Variants in IMMP1L observed in about 807,000 individuals in gnomAD.
IMMP1L encodes the protein mitochondrial inner membrane protease subunit 1.
IMMP1L carries 24 observed loss-of-function variants against 21.8 expected under a neutral mutation model. The observed-to-expected ratio is 1.10, with a 90% CI of 0.80 to 1.55. The LOEUF is 1.55. Among genes scored for constraint, IMMP1L ranks in the 40% most tolerant of loss-of-function variants. The probability of loss-of-function intolerance (pLI) is 0.00; values close to 1 mark genes in which losing one functional copy is unlikely to be tolerated. For missense variants in IMMP1L, 195 were observed against 200.7 expected, an observed-to-expected ratio of 0.97 and a Z score of 0.17; for synonymous variants, 46 against 62.8, an observed-to-expected ratio of 0.73 and a Z score of 1.26.
At chr11:31,466,033 A>T (rs1361653524) in intron 1 of IMMP1L, among the ~76,000 whole-genome samples, 1 of 152,140 alleles carries the variant, frequency 6.6e-6, no homozygotes, top group Non-Finnish European at 1.5e-5. Flanking sequence ...ACATGGACTA[A>T]TATCTAGAAT....
chr11:31,500,294 C>T (rs1216326347), intron 1 of IMMP1L, among the ~76,000 whole-genome samples: 1 of 151,718 alleles, frequency 6.6e-6, no homozygotes. Context: ...AAGGAAAACA[C>T]GAGCATGAGA....
chr11:31,449,453 T>C (rs1953664805), intron 4 of IMMP1L, among the ~76,000 whole-genome samples: 1 of 152,216 alleles, frequency 6.6e-6, no homozygotes. Context: ...GTAAGATTGT[T>C]TCTTAGGTTG....
At chr11:31,504,024 T>C (rs551675347) in intron 1 of IMMP1L, among the ~76,000 whole-genome samples, 1 of 152,116 alleles carries the variant, frequency 6.6e-6, no homozygotes, top group Non-Finnish European at 1.5e-5. Flanking sequence ...AGGATACCAA[T>C]ACAGGAAAAA....
At chr11:31,452,683 A>G in intron 4 of IMMP1L, 1 of 1,000,758 alleles carries the variant, frequency 1.0e-6, no homozygotes, top group African/African-American at 1.7e-5. Context: ...CTCAGTTCAT[A>G]CATAACCCCA....
At chr11:31,490,221 C>G (rs910606483) in intron 1 of IMMP1L, among the ~76,000 whole-genome samples, 1 of 152,166 alleles carries the variant, frequency 6.6e-6, no homozygotes, top group Non-Finnish European at 1.5e-5. Flanking sequence ...TGCCTGTAAT[C>G]CCAGCACTTT....
chr11:31,473,881 G>A (rs1425924901), intron 1 of IMMP1L: 2 of 260,700 alleles, frequency 7.7e-6, no homozygotes, highest in Non-Finnish European at 1.2e-5. Flanking sequence ...GTATATATAT[G>A]TCAAATGTTA....
rs1955383757 is a variant in IMMP1L at position 31,494,929 on chromosome 11, C to T, written c.-30+14590G>A. 2.0e-5 allele frequency among the ~76,000 whole-genome samples: 3 copies of T among 152,218 alleles called. No individual in the cohort carries two copies. In the South Asian group the frequency reaches 6.2e-4, roughly 31 times the overall value. ...AAAGTGCTGGGATTACAGGCGTGAG[C>T]CACCGCGACCAGCCCAAATTTTCCA... On this transcript the variant is annotated intron_variant, in intron 1 of 5. Coordinates refer to ENST00000532287, the MANE Select transcript of IMMP1L (RefSeq NM_001304274.2).
At chr11:31,494,389 TG>T (rs1474422381) in intron 1 of IMMP1L, among the ~76,000 whole-genome samples, 2 of 152,172 alleles carry the variant, frequency 1.3e-5, no homozygotes, top group Non-Finnish European at 2.9e-5. Context: ...CTGACACAGC[TG>T]GGATGCAGGA....
intron 4 of IMMP1L, among the ~76,000 whole-genome samples, chr11:31,448,752 T>G (rs1426309910): frequency 6.6e-6 from 1 of 152,220 alleles, no homozygotes; most frequent in Non-Finnish European, 1.5e-5. Flanking sequence ...ATAAACTCCA[T>G]ATTACTGTTA....
intron 1 of IMMP1L, among the ~76,000 whole-genome samples, chr11:31,476,323 A>G (rs1413859488): frequency 6.6e-6 from 1 of 152,068 alleles, no homozygotes; most frequent in Admixed American, 6.5e-5. Context: ...AATGTGGTAA[A>G]AGTTTGGAAA....
chr11:31,454,215 T>A (rs1410738761), intron 4 of IMMP1L, among the ~76,000 whole-genome samples: 2 of 152,154 alleles, frequency 1.3e-5, no homozygotes, highest in African/African-American at 4.8e-5. Flanking sequence ...CAATGTCATA[T>A]AATTTGCACA....
intron 4 of IMMP1L, among the ~76,000 whole-genome samples, chr11:31,447,068 A>G (rs528216514): frequency 1.3e-5 from 2 of 152,326 alleles, no homozygotes; most frequent in South Asian, 2.1e-4. Context: ...AGAAAGTTCT[A>G]TTGGTGTTGC....
chr11:31,473,887 T>A (rs1031697315), intron 1 of IMMP1L: 4 of 235,684 alleles, frequency 1.7e-5, no homozygotes, highest in African/African-American at 9.4e-5. Context: ...ATATGTCAAA[T>A]GTTAAGACCA....
intron 4 of IMMP1L, 185 bp from the exon 5 acceptor site, chr11:31,433,755 G>T: frequency 2.3e-6 from 1 of 425,956 alleles, no homozygotes; most frequent in South Asian, 6.0e-5. Context: ...AAATATCAAA[G>T]GTTTCAACTT....
intron 1 of IMMP1L, among the ~76,000 whole-genome samples, chr11:31,465,156 G>A (rs559849029): frequency 6.6e-6 from 1 of 151,954 alleles, no homozygotes; most frequent in South Asian, 2.1e-4. Context: ...TGATCTAGCT[G>A]AGTAAGAAAT....
At chr11:31,472,780 G>C (rs558981789) in intron 1 of IMMP1L, among the ~76,000 whole-genome samples, 1 of 152,294 alleles carries the variant, frequency 6.6e-6, no homozygotes, top group South Asian at 2.1e-4. Flanking sequence ...TCTTTTAAGA[G>C]CCTCTTCATT....
intron 5 of IMMP1L, among the ~76,000 whole-genome samples, chr11:31,433,194 G>T (rs1287696254): frequency 6.6e-6 from 1 of 152,148 alleles, no homozygotes; most frequent in African/African-American, 2.4e-5. Context: ...AGTTGTACAA[G>T]AGAGAACTGA....
At chr11:31,448,973 A>G in intron 4 of IMMP1L, 1 of 985,468 alleles carries the variant, frequency 1.0e-6, no homozygotes, top group Non-Finnish European at 1.2e-6. Flanking sequence ...TTAGCAAAAG[A>G]GTAAACATAT....
chr11:31,508,111 C>T lies in IMMP1L; in HGVS notation c.-30+1408G>A, dbSNP rs1017380014. Among the ~76,000 whole-genome samples the T allele has an allele frequency of 7.9e-5, 12 of 152,108 alleles. No individual in the cohort carries two copies. In the East Asian group the frequency reaches 2.3e-3, roughly 29 times the overall value. ...CTGTGCAGCAAACCACCACAGCACA[C>T]GTTTACCTATGTAACAAACCTGCAC... On this transcript the variant is annotated intron_variant, in intron 1 of 5. Coordinates refer to ENST00000532287, the MANE Select transcript of IMMP1L (RefSeq NM_001304274.2).
Sources: gnomAD v4.1 joint callset for allele counts (sites outside exome capture counted in the v4.1 genomes callset) on GRCh38, gnomAD v4.1.1 for gene constraint, MANE v1.5 for transcripts, NCBI Gene and HGNC (gene_info 2026-07-23, HGNC 2026-07-21) for gene names.